C6: variants seen among roughly 807,000 people sequenced by gnomAD.
The protein encoded by C6 is complement component C6.
Under a neutral mutation model 112.9 loss-of-function variants are expected in C6, and 101 were observed. The observed-to-expected ratio is 0.89, with a 90% CI of 0.76 to 1.06. The LOEUF (loss-of-function observed/expected upper bound fraction) is 1.06. Ranked by LOEUF, C6 falls within the 50% of genes least tolerant of loss-of-function variation. The pLI is 0.00. For synonymous variants in C6, 431 were observed against 384.1 expected (o/e 1.12, Z -1.43); for missense variants, 1,202 against 1,104.6 (o/e 1.09, Z -1.25).
At chr5:41,245,668 T>C (rs1055839643) in intron 1 of C6, among the ~76,000 whole-genome samples, 10 of 152,232 alleles carry the variant, frequency 6.6e-5, no homozygotes, top group Non-Finnish European at 1.3e-4. Flanking sequence ...CAAATGCTTT[T>C]CCTTCATCAG....
In C6 at chr5:41,149,434, G is replaced by C; in HGVS notation, c.2430C>G (p.Tyr810Ter). ...LCVFDTDSNDYFTSPACKFLA... is the reference protein window; with the variant it reads ...LCVFDTDSND The stretch of plus-strand genomic sequence containing the variant: ...AAAACTTACAAGCGGGTGAAGTAAA[G>C]TAATCGTTGGAGTCTGTGTCAAACA... The change falls in exon 17 of 18, where the codon TAC becomes TAG. Residue 810 changes from tyrosine (Y) to a stop codon, truncating the protein, a stop_gained. Transcript: ENST00000337836. LOFTEE classifies it high-confidence loss of function. 6.2e-7 allele frequency: 1 copy of C among 1,614,080 alleles called. No homozygotes were observed. Among genetic ancestry groups the C allele is most frequent in the Non-Finnish European group, 8.5e-7 (1 of 1,179,968 alleles).
chr5:41,249,884 G>A (rs868234099), intron 1 of C6, among the ~76,000 whole-genome samples: 1 of 151,930 alleles, frequency 6.6e-6, no homozygotes, highest in African/African-American at 2.4e-5. Flanking sequence ...TGACAAAAAT[G>A]TGTTTCAGAG....
rs192945423 is a variant in C6 at position 41,242,798 on chromosome 5, G to A, written c.-21+18396C>T. On this transcript the variant is annotated intron_variant, in intron 1 of 17. Coordinates refer to the C6 transcript ENST00000263413. ...TTAAAAAAAGTATGTACACTCAATG[G>A]AATACTATTGATCCTTAAAAAAGAA... Among the ~76,000 whole-genome samples the A allele has an allele frequency of 1.5e-4, 22 of 151,682 alleles. No homozygotes were observed. The East Asian group carries it at 4.3e-3, about 30-fold the overall frequency.
chr5:41,204,659 C>CTTTTTTTTTTTTT (rs56809256), intron 1 of C6, among the ~76,000 whole-genome samples: 2 of 133,326 alleles, frequency 1.5e-5, no homozygotes, highest in Non-Finnish European at 1.5e-5. Context: ...AATCAGTAAG[C>CTTTTTTTTTTTTT]TTTTTTTTTT....
At chr5:41,165,727 ATTGT>A (rs1747923192) in intron 9 of C6, among the ~76,000 whole-genome samples, 1 of 152,068 alleles carries the variant, frequency 6.6e-6, no homozygotes, top group Admixed American at 6.6e-5. Flanking sequence ...ATTTATATGG[ATTGT>A]TTATTTAATT....
intron 1 of C6, among the ~76,000 whole-genome samples, chr5:41,232,716 C>A (rs1739986317): frequency 1.3e-5 from 2 of 151,980 alleles, no homozygotes; most frequent in Admixed American, 6.6e-5. Flanking sequence ...TGATTAATTC[C>A]TGATTATTTT....
chr5:41,181,084 A>G (rs1325925549), intron 7 of C6, among the ~76,000 whole-genome samples: 1 of 151,974 alleles, frequency 6.6e-6, no homozygotes, highest in Non-Finnish European at 1.5e-5. Context: ...TGTTGTATGG[A>G]GTTTATAAGA....
chr5:41,236,292 A>C (rs1261281792), intron 1 of C6, among the ~76,000 whole-genome samples: 1 of 131,216 alleles, frequency 7.6e-6, no homozygotes, highest in Non-Finnish European at 1.6e-5. Context: ...AGCTTTCTAC[A>C]TATGGCTAGC....
chr5:41,148,706 T>C (rs1403760419), intron 17 of C6, among the ~76,000 whole-genome samples: 1 of 152,150 alleles, frequency 6.6e-6, no homozygotes, highest in African/African-American at 2.4e-5. Flanking sequence ...CTGGAAAGTA[T>C]AACAGTGCCT....
In C6 at chr5:41,253,401, C is replaced by G. The variant is rs145564323; in HGVS notation, c.-21+7793G>C. ...CTCATAAATCTCTCTCTGTGTAGCT[C>G]TCTCCTTTTTGTTACCCTGCCCTGT... On this transcript the variant is annotated intron_variant, in intron 1 of 17. Coordinates refer to the C6 transcript ENST00000263413. Among the ~76,000 whole-genome samples the G allele has an allele frequency of 4.0e-3, 602 of 152,252 alleles. 5 individuals are homozygous for G. The highest frequency in any genetic ancestry group is 0.014 in the African/African-American group (584 of 41,536).
At chr5:41,202,721 G>A (rs112426433) in intron 2 of C6, among the ~76,000 whole-genome samples, 13 of 152,230 alleles carry the variant, frequency 8.5e-5, no homozygotes, top group African/African-American at 3.1e-4. Flanking sequence ...GCTCAATTGA[G>A]GTCCTGTTAG....
chr5:41,143,216 C>G lies in C6; in HGVS notation c.2624-210G>C, dbSNP rs75708197. Among the ~76,000 whole-genome samples, 4 of 152,222 alleles carry G rather than the reference C, an allele frequency of 2.6e-5. No homozygotes were observed. In the East Asian group the frequency reaches 7.7e-4, roughly 29 times the overall value. On this transcript the variant is annotated intron_variant, in intron 17 of 17. Coordinates refer to ENST00000337836, the MANE Select transcript of C6 (RefSeq NM_000065.5). ...AACAACCCACCAAAGGCAATGACCCCAAAGACCCAACTGTGACTGAATAGA... is the reference window on the plus strand; with the variant it reads ...AACAACCCACCAAAGGCAATGACCCGAAAGACCCAACTGTGACTGAATAGA...
Position 41,149,297 on chromosome 5 carries a change from C to T in C6, c.2567G>A (p.Ser856Asn), listed in dbSNP as rs1416773804. ...GLERTRLSSN[S>N]TKKESCGYDT... ...ATAGCCACAGGATTCTTTCTTTGTG[C>T]TGTTGGATGAAAGTCTTGTCCTTTC... The change falls in exon 17 of 18, where the codon AGC becomes AAC. Residue 856 changes from serine to asparagine, a missense_variant. Ser to Asn is a conservative substitution (Grantham distance 46). Coordinates refer to ENST00000337836, the MANE Select transcript of C6 (RefSeq NM_000065.5). 7 of 1,614,040 alleles carry T rather than the reference C, an allele frequency of 4.3e-6. No individual in the cohort carries two copies. Among genetic ancestry groups the T allele is most frequent in the Non-Finnish European group, 5.9e-6 (7 of 1,179,942 alleles).
chr5:41,158,830 C>A (rs188723807), intron 12 of C6, 45 bp from the exon 13 acceptor site: 7 of 1,147,964 alleles, frequency 6.1e-6, no homozygotes, highest in Middle Eastern at 1.9e-4. Context: ...TGTATGTACA[C>A]ACATTTACAT....
At position 41,241,210 on chromosome 5, in the gene C6, CG is replaced by C. The variant is rs1358257962; in HGVS notation, c.-21+19983del. Among the ~76,000 whole-genome samples, 8 of 152,206 alleles carry C rather than the reference CG, an allele frequency of 5.3e-5. No individual in the cohort carries two copies. In the East Asian group the frequency reaches 1.6e-3, roughly 30 times the overall value. ...TGTGTGGCAACCTTGCTGCTGGAGG[CG>C]GGGTGGGGTTCTGCCAGTGGCAGCC... is the stretch of plus-strand genomic sequence containing the variant. On this transcript the variant is annotated intron_variant, in intron 1 of 17. Coordinates refer to the C6 transcript ENST00000263413.
At chr5:41,155,581 G>A (rs1746818615) in intron 13 of C6, among the ~76,000 whole-genome samples, 1 of 152,024 alleles carries the variant, frequency 6.6e-6, no homozygotes, top group Admixed American at 6.6e-5. Flanking sequence ...ATACAGAAAA[G>A]TAGCGAGAAG....
intron 1 of C6, among the ~76,000 whole-genome samples, chr5:41,227,442 G>C (rs1739591807): frequency 6.6e-6 from 1 of 152,046 alleles, no homozygotes; most frequent in South Asian, 2.1e-4. Context: ...TGACTGTGCA[G>C]GAGATTTATA....
chr5:41,258,882 T>C (rs1198429951), intron 1 of C6, among the ~76,000 whole-genome samples: 1 of 152,196 alleles, frequency 6.6e-6, no homozygotes, highest in Non-Finnish European at 1.5e-5. Flanking sequence ...TCACTTATTG[T>C]CATGAGAACA....
At chr5:41,252,350 C>G (rs1467222634) in intron 1 of C6, among the ~76,000 whole-genome samples, 1 of 152,130 alleles carries the variant, frequency 6.6e-6, no homozygotes, top group East Asian at 1.9e-4. Context: ...AAAATTAGTT[C>G]AGGCCTTGTT....
Sources: gnomAD v4.1 joint callset for allele counts (sites outside exome capture counted in the v4.1 genomes callset) on GRCh38, gnomAD v4.1.1 for gene constraint, MANE v1.5 for transcripts, NCBI Gene and HGNC (gene_info 2026-07-23, HGNC 2026-07-21) for gene names.